Variants in CCNF observed in about 807,000 individuals in gnomAD.
CCNF encodes the protein cyclin-F.
A neutral mutation model predicts 85.4 loss-of-function variants in CCNF; 30 were observed. That is an observed-to-expected ratio of 0.35 (90% CI 0.26 to 0.48). CCNF has a LOEUF of 0.48. Among genes scored for constraint, CCNF ranks in the 20% least tolerant of loss-of-function variants. The probability of loss-of-function intolerance (pLI) is 0.99; values close to 1 mark genes in which losing one functional copy is unlikely to be tolerated. For synonymous variants in CCNF, 439 were observed against 425.1 expected (o/e 1.03, Z -0.40); for missense variants, 919 against 1,010.4 (o/e 0.91, Z 1.23).
intron 15 of CCNF, among the ~76,000 whole-genome samples, chr16:2,454,987 G>T (rs1306228418): frequency 6.6e-6 from 1 of 151,028 alleles, no homozygotes; most frequent in African/African-American, 2.4e-5. Flanking sequence ...TTGAACCCGG[G>T]AGGTGGAGGT....
chr16:2,437,217 C>T lies in CCNF; in HGVS notation c.435C>T (p.Ala145=), dbSNP rs200978756. The T allele has an allele frequency of 7.8e-5, 126 of 1,613,142 alleles. 1 individual carries two copies. Among genetic ancestry groups the T allele is most frequent in the East Asian group, 5.4e-4 (24 of 44,850 alleles). Residue 145 remains alanine, a synonymous_variant, in exon 5 of 17, where the codon GCC becomes GCT. Coordinates refer to ENST00000397066, the MANE Select transcript of CCNF (RefSeq NM_001761.3). ...FSLAERLNVG[A]APFIWLFIRP... ...TCGCTGAGCGGCTGAATGTGGGTGC[C>T]GCACCTTTCATCTGGCTCTTCATCC...
At position 2,457,055 on chromosome 16, in the gene CCNF, T is replaced by C. The variant is rs1219090431; in HGVS notation, c.*35T>C. 4.1e-5 allele frequency: 61 copies of C among 1,483,384 alleles called. No individual in the cohort carries two copies. The highest frequency in any genetic ancestry group is 5.6e-5 in the Non-Finnish European group (61 of 1,092,640). 91.9% of individuals were successfully genotyped at this position (1,483,384 alleles called of 1,614,324 possible). The stretch of plus-strand genomic sequence containing the variant: ...CACATTTGCCGCAGTGGATGTGTAC[T>C]GAGGGGGCTGGAGGCGAAGGGTGGG... On this transcript the variant is annotated 3_prime_UTR_variant, in exon 17 of 17. Transcript: ENST00000397066.
rs751260563 is a variant in CCNF, at chr16:2,449,355, G to A, written c.1292G>A (p.Cys431Tyr). Reference sequence around the variant, plus strand: ...GTGGAGCTGAGAACCCAGCACCTGTGCAGCTTCCTCTGCGAGCTCTCCCTG... The same window carrying A: ...GTGGAGCTGAGAACCCAGCACCTGTACAGCTTCCTCTGCGAGCTCTCCCTG... ...VPVELRTQHL[C>Y]SFLCELSLLH... Residue 431 changes from cysteine (C) to tyrosine (Y), a missense_variant, in exon 12 of 17, where the codon TGC (cysteine) becomes TAC (tyrosine). Physicochemically the swap from Cys to Tyr is radical, Grantham distance 194 (BLOSUM62 -2). This residue lies in a region of CCNF where 505 missense variants were observed against 514.8 expected (regional missense o/e 0.98). Transcript: ENST00000397066. 7 of 1,613,738 alleles carry A rather than the reference G, an allele frequency of 4.3e-6. No individual in the cohort carries two copies. Among genetic ancestry groups the A allele is most frequent in the Non-Finnish European group, 5.1e-6 (6 of 1,179,982 alleles).
intron 13 of CCNF, 65 bp downstream of exon 13, chr16:2,449,980 G>A: frequency 3.5e-6 from 4 of 1,142,726 alleles, no homozygotes; most frequent in Non-Finnish European, 2.7e-6. Context: ...GCCGAGGCGG[G>A]CAGATCATTT....
rs1438756535 is a variant in CCNF, at chr16:2,438,093, C to T, written c.564C>T (p.His188=). ...LQRTHKASIL[H]CLGRVLSLFE... ...AGACTCACAAAGCATCCATATTGCA[C>T]TGCTTGGGCAGAGTGCTGAGTCTGT... is the stretch of plus-strand genomic sequence containing the variant. The change falls in exon 6 of 17, where the codon CAC becomes CAT. Residue 188 remains histidine, a synonymous_variant. Transcript: ENST00000397066. 11 of 1,612,348 alleles carry T rather than the reference C, an allele frequency of 6.8e-6. No individual in the cohort carries two copies. The South Asian group carries it at 9.9e-5, about 14-fold the overall frequency.
chr16:2,435,684 T>TG (rs1458373523), intron 3 of CCNF, 122 bp from the exon 4 acceptor site: 1 of 150,978 alleles, frequency 6.6e-6, no homozygotes, highest in Non-Finnish European at 1.3e-5. Flanking sequence ...TATATATATA[T>TG]ATATATATAT....
chr16:2,437,968 C>G (rs1367006738), intron 5 of CCNF, 102 bp from the exon 6 acceptor site: 33 of 776,874 alleles, frequency 4.2e-5, no homozygotes, highest in Admixed American at 8.8e-5. Flanking sequence ...GAGGGCCAGA[C>G]AGCAGGGCCA....
At chr16:2,431,084 G>A in intron 1 of CCNF, 46 bp from the exon 2 acceptor site, 1 of 1,594,200 alleles carries the variant, frequency 6.3e-7, no homozygotes, top group Non-Finnish European at 8.6e-7. Context: ...TGTGTATATA[G>A]AATAATTTTT....
In CCNF at chr16:2,431,275, C is replaced by T. The variant is rs1316234903; in HGVS notation, c.162C>T (p.Ala54=). The T allele has an allele frequency of 1.1e-5, 18 of 1,613,846 alleles. No individual in the cohort carries two copies. The highest frequency in any genetic ancestry group is 4.5e-5 in the East Asian group (2 of 44,890). ...GGCTTTCTGTAGAGGACATCCTGGC[C>T]GTCCGAGCTGTAAGTCCCTGCATGA... ...LKWLSVEDIL[A]VRAVHSQLKD... The change falls in exon 2 of 17, where the codon GCC becomes GCT. Residue 54 remains alanine, a synonymous_variant. Transcript: ENST00000397066.
chr16:2,437,239 A>G lies in CCNF; in HGVS notation c.457A>G (p.Ile153Val), dbSNP rs761023491. 9 of 1,612,376 alleles carry G rather than the reference A, an allele frequency of 5.6e-6. No homozygotes were observed. The Admixed American group carries it at 1.5e-4, about 27-fold the overall frequency. The change falls in exon 5 of 17, where the codon ATC (isoleucine) becomes GTC (valine). Residue 153 changes from isoleucine (I) to valine (V), a missense_variant. Ile to Val is a conservative substitution (Grantham distance 29). Transcript: ENST00000397066. ...TGCCGCACCTTTCATCTGGCTCTTC[A>G]TCCGCCCTCCGTGGTCGGTGAGCGG... ...VGAAPFIWLFIRPPWSVSGSC... is the reference protein window; with the variant it reads ...VGAAPFIWLFVRPPWSVSGSC...
chr16:2,429,488 A>G lies in CCNF; in HGVS notation c.7A>G (p.Ser3Gly), dbSNP rs944306963. Residue 3 changes from serine to glycine, a missense_variant, in exon 1 of 17, where the codon AGC (serine) becomes GGC (glycine). By Grantham distance (56) the Ser-to-Gly change is moderately conservative (BLOSUM62 0). Coordinates refer to ENST00000397066, the MANE Select transcript of CCNF (RefSeq NM_001761.3). ...CAGCGACGCGAGCGCGGCGATGGGGAGCGGCGGCGGTGAGTGCGGGGCGAT... is the reference window on the plus strand; with the variant it reads ...CAGCGACGCGAGCGCGGCGATGGGGGGCGGCGGCGGTGAGTGCGGGGCGAT... The part of the protein sequence containing the change: MG[S>G]GGVVHCRCAK... 208 of 1,230,514 alleles carry G rather than the reference A, an allele frequency of 1.7e-4. No homozygotes were observed. Among genetic ancestry groups the G allele is most frequent in the Admixed American group, 6.0e-4 (14 of 23,426 alleles). 76.2% of individuals were successfully genotyped at this position (1,230,514 alleles called of 1,614,324 possible). A position where few individuals can be genotyped will look rare whatever the true frequency, so the allele number is the denominator to read the frequency against.
At position 2,445,753 on chromosome 16, in the gene CCNF, A is replaced by G. The variant is rs1455332421; in HGVS notation, c.1094+131A>G. 14 of 818,978 alleles carry G rather than the reference A, an allele frequency of 1.7e-5. No homozygotes were observed. The East Asian group carries it at 3.1e-4, about 18-fold the overall frequency. The allele number at this position is 818,978 out of a possible 1,614,324, so 50.7% of individuals were successfully genotyped here. On this transcript the variant is annotated intron_variant, in intron 10 of 16. Coordinates refer to ENST00000397066, the MANE Select transcript of CCNF (RefSeq NM_001761.3). The stretch of plus-strand genomic sequence containing the variant: ...TGTTTTTTTTTTTTTCCCGAGACCA[A>G]GTCTCGCTCTGTCACCCAGGCTGGA...
chr16:2,431,975 C>T (rs997297082), intron 2 of CCNF, among the ~76,000 whole-genome samples: 3 of 151,768 alleles, frequency 2.0e-5, no homozygotes, highest in Non-Finnish European at 4.4e-5. Flanking sequence ...GGACTACAGG[C>T]ACCCGCCACC....
chr16:2,453,398 G>A lies in CCNF; in HGVS notation c.1588-12G>A, dbSNP rs2065405899. ...GGGGCCTCTGCACCCCCTAACTCTA[G>A]CTTCCCCTCAGGTGCTGAGCTACAG... On this transcript the variant is annotated splice_polypyrimidine_tract_variant and intron_variant, in intron 14 of 16. Coordinates refer to ENST00000397066, the MANE Select transcript of CCNF (RefSeq NM_001761.3). The surrounding 1 kb of genome is among the most constrained non-coding windows in gnomAD (Gnocchi z 5.6). 1 of 1,613,876 alleles carries A rather than the reference G, an allele frequency of 6.2e-7. No individual in the cohort carries two copies.
At chr16:2,435,666 C>CAT (rs71148135) in intron 3 of CCNF, 140 bp from the exon 4 acceptor site, 1,563 of 42,358 alleles carry the variant, frequency 0.037, 13 homozygotes, top group Middle Eastern at 0.06. Context: ...CACACACACA[C>CAT]ATATATATAT....
Position 2,437,281 on chromosome 16 carries a change from G to T in CCNF, c.499G>T (p.Val167Leu). 1 of 1,607,426 alleles carries T rather than the reference G, an allele frequency of 6.2e-7. No individual in the cohort carries two copies. Among genetic ancestry groups the T allele is most frequent in the South Asian group, 1.1e-5 (1 of 90,788 alleles). ...GGTGAGCGGAAGCTGCTGCAAGGCC[G>T]TGGTTCACGAGAGCCTCAGGGCAGA... ...WSVSGSCCKA[V>L]VHESLRAECQ... The change falls in exon 5 of 17, where the codon GTG (valine) becomes TTG (leucine). Residue 167 changes from valine to leucine, a missense_variant. By Grantham distance (32) the Val-to-Leu change is conservative (BLOSUM62 1). Coordinates refer to ENST00000397066, the MANE Select transcript of CCNF (RefSeq NM_001761.3).
Position 2,456,769 on chromosome 16 carries a change from T to C in CCNF, c.2110T>C (p.Ser704Pro). The change falls in exon 17 of 17, where the codon TCC (serine) becomes CCC (proline). Residue 704 changes from serine (S) to proline (P), a missense_variant. Around this residue, in one of 3 missense-constraint regions of CCNF, gnomAD observed 505 missense variants for 514.8 expected, o/e 0.98. Coordinates refer to ENST00000397066, the MANE Select transcript of CCNF (RefSeq NM_001761.3). The surrounding 1 kb of genome is among the most constrained non-coding windows in gnomAD (Gnocchi z 4.5). ...GKDVTTSGYS[S>P]VSTASPTSSV... ...GGACGTCACGACCTCAGGGTACTCC[T>C]CCGTCAGCACCGCAAGTCCCACAAG... 6.2e-7 allele frequency: 1 copy of C among 1,613,286 alleles called. No homozygotes were observed. Among genetic ancestry groups the C allele is most frequent in the Non-Finnish European group, 8.5e-7 (1 of 1,179,646 alleles).
At chr16:2,433,978 G>A (rs2065275277) in intron 3 of CCNF, among the ~76,000 whole-genome samples, 2 of 152,176 alleles carry the variant, frequency 1.3e-5, no homozygotes, top group South Asian at 2.1e-4. Flanking sequence ...TTCTTATTGA[G>A]ACATTATCCA....
intron 11 of CCNF, 147 bp from the exon 12 acceptor site, chr16:2,449,135 C>T (rs1403603390): frequency 1.4e-6 from 2 of 1,419,644 alleles, no homozygotes; most frequent in African/African-American, 1.4e-5. Flanking sequence ...GCCACGGTTG[C>T]ACCACGTCGC....
Sources: gnomAD v4.1 joint callset for allele counts (sites outside exome capture counted in the v4.1 genomes callset) on GRCh38, gnomAD v4.1.1 for gene constraint, gnomAD v4.1.1 regional missense constraint, Gnocchi (gnomAD v3.1) non-coding constraint, MANE v1.5 for transcripts, NCBI Gene and HGNC (gene_info 2026-07-23, HGNC 2026-07-21) for gene names.